ANAPC7: variants seen among roughly 807,000 people sequenced by gnomAD.
ANAPC7 encodes anaphase-promoting complex subunit 7.
In ANAPC7, 25 loss-of-function variants were observed where a neutral mutation model predicts 63.3. That is an observed-to-expected ratio of 0.39 (90% CI 0.29 to 0.55). The LOEUF (loss-of-function observed/expected upper bound fraction) is 0.55, where lower values mean the gene tolerates loss of function less well. ANAPC7 is among the 20% of genes least tolerant of loss of function. The pLI is 0.57. For missense variants in ANAPC7, 516 were observed against 691.7 expected, an observed-to-expected ratio of 0.75 and a Z score of 2.85; for synonymous variants, 241 against 251.7, an observed-to-expected ratio of 0.96 and a Z score of 0.40.
At chr12:110,374,458 C>T in intron 10 of ANAPC7, 125 bp from the exon 11 acceptor site, 4 of 877,392 alleles carry the variant, frequency 4.6e-6, no homozygotes, top group Non-Finnish European at 5.1e-6. Flanking sequence ...AAAGCCTGGC[C>T]TCTCCAAACA....
At chr12:110,399,236 G>C (rs2062188013) in intron 1 of ANAPC7, among the ~76,000 whole-genome samples, 1 of 151,764 alleles carries the variant, frequency 6.6e-6, no homozygotes, top group Non-Finnish European at 1.5e-5. Context: ...GGCCATCGCT[G>C]GTCTCAAACT....
intron 5 of ANAPC7, chr12:110,386,698 G>A: frequency 2.2e-6 from 1 of 447,496 alleles, no homozygotes; most frequent in South Asian, 3.3e-5. Flanking sequence ...CTCTGTGGTT[G>A]CAGTTCTTCA....
chr12:110,384,822 A>T (rs1882310803), intron 6 of ANAPC7, among the ~76,000 whole-genome samples: 1 of 152,158 alleles, frequency 6.6e-6, no homozygotes, highest in Non-Finnish European at 1.5e-5. Flanking sequence ...CAACCAGAAA[A>T]GGCCCAAAAA....
intron 1 of ANAPC7, among the ~76,000 whole-genome samples, chr12:110,399,682 T>TC (rs2062197495): frequency 6.6e-6 from 1 of 151,710 alleles, no homozygotes; most frequent in Non-Finnish European, 1.5e-5. Flanking sequence ...TCCTAGCTAC[T>TC]TAGAGGCTGA....
chr12:110,403,499 C>A (rs1279068094), intron 1 of ANAPC7, 28 bp downstream of exon 1: 1 of 1,562,126 alleles, frequency 6.4e-7, no homozygotes, highest in Non-Finnish European at 8.7e-7. Context: ...TTCTCCTCAG[C>A]CCCAGGCAGC....
rs1483354370 is a variant in ANAPC7, at chr12:110,396,331, C to T, written c.223G>A (p.Ala75Thr). The change falls in exon 2 of 11, where the codon GCG becomes ACG. Residue 75 changes from alanine (A) to threonine (T), a missense_variant. Around this residue, in one of 4 missense-constraint regions of ANAPC7, gnomAD observed 185 missense variants for 200.3 expected, o/e 0.92. Transcript: ENST00000455511. ...CTCACTTTTGAAGTTTTACTTAGCG[C>T]TTTCTTCTGCTGTAAAGCCATGGTA... The part of the protein sequence containing the change: ...KYTMALQQKK[A>T]LSKTSKVRPS... The T allele has an allele frequency of 6.2e-7, 1 of 1,613,740 alleles. No individual in the cohort carries two copies. Among genetic ancestry groups the T allele is most frequent in the East Asian group, 2.2e-5 (1 of 44,890 alleles).
rs774268194 is a variant in ANAPC7 at position 110,403,653 on chromosome 12, G to A, written c.-26C>T. 6.4e-6 allele frequency: 10 copies of A among 1,573,982 alleles called. No homozygotes were observed. In the African/African-American group the frequency reaches 9.4e-5, roughly 15 times the overall value. Reference sequence around the variant, plus strand: ...CCTGCTCTGCAAAGCCGCGGGCAGCGGCGGCAGCACTGACTCGAAAAGCCG... The same window carrying A: ...CCTGCTCTGCAAAGCCGCGGGCAGCAGCGGCAGCACTGACTCGAAAAGCCG... On this transcript the variant is annotated 5_prime_UTR_variant, in exon 1 of 11. Transcript: ENST00000455511.
At position 110,392,995 on chromosome 12, in the gene ANAPC7, A is replaced by G. The variant is rs577168280; in HGVS notation, c.408+2106T>C. On this transcript the variant is annotated intron_variant, in intron 3 of 10. Coordinates refer to ENST00000455511, the MANE Select transcript of ANAPC7 (RefSeq NM_016238.3). ...TTTTTAGTAGAGACGGGGTTTCTCC[A>G]TGTTGGTCAAGCTGGTCTCGAACTC... Among the ~76,000 whole-genome samples, 12 of 152,194 alleles carry G rather than the reference A, an allele frequency of 7.9e-5. No individual in the cohort carries two copies. In the East Asian group the frequency reaches 1.7e-3, roughly 22 times the overall value.
chr12:110,389,404 G>C (rs1431928110), intron 3 of ANAPC7, among the ~76,000 whole-genome samples: 1 of 152,184 alleles, frequency 6.6e-6, no homozygotes, highest in African/African-American at 2.4e-5. Flanking sequence ...AGATAAAGAA[G>C]TATAATACTT....
At chr12:110,383,720 A>G (rs1056505528) in intron 6 of ANAPC7, among the ~76,000 whole-genome samples, 13 of 150,266 alleles carry the variant, frequency 8.7e-5, no homozygotes, top group African/African-American at 2.5e-4. Context: ...TACTAAAAAT[A>G]CAAAAATTAG....
In ANAPC7 at chr12:110,403,630, T is replaced by C; in HGVS notation, c.-3A>G. 6.3e-7 allele frequency: 1 copy of C among 1,599,832 alleles called. No homozygotes were observed. Among genetic ancestry groups the C allele is most frequent in the Non-Finnish European group, 8.5e-7 (1 of 1,173,324 alleles). Reference sequence around the variant, plus strand: ...CGCACGTGGTCTATCACATTCATCCTGCTCTGCAAAGCCGCGGGCAGCGGC... The same window carrying C: ...CGCACGTGGTCTATCACATTCATCCCGCTCTGCAAAGCCGCGGGCAGCGGC... On this transcript the variant is annotated 5_prime_UTR_variant, in exon 1 of 11. Transcript: ENST00000455511.
intron 1 of ANAPC7, among the ~76,000 whole-genome samples, chr12:110,399,683 T>G (rs145642626): frequency 6.6e-6 from 1 of 151,106 alleles, no homozygotes; most frequent in Non-Finnish European, 1.5e-5. Context: ...CCTAGCTACT[T>G]AGAGGCTGAG....
rs1883467303 is a variant in ANAPC7 at position 110,395,193 on chromosome 12, A to G, written c.316T>C (p.Tyr106His). 1 of 1,612,332 alleles carries G rather than the reference A, an allele frequency of 6.2e-7. No homozygotes were observed. ...QCLPSEIEVK[Y>H]KMAECYTMLK... is the part of the protein sequence containing the mutation. ...ATTGTATAACATTCAGCCATTTTGT[A>G]TTTCACTTCAATTTCAGATGGAAGA... Residue 106 changes from tyrosine to histidine, a missense_variant, in exon 3 of 11, where the codon TAC becomes CAC. Transcript: ENST00000455511.
intron 2 of ANAPC7, 46 bp downstream of exon 2, chr12:110,396,220 T>C (rs1248970838): frequency 1.3e-6 from 2 of 1,512,194 alleles, no homozygotes; most frequent in South Asian, 1.2e-5. Context: ...TCTTGGAGTC[T>C]TTCTCAAAAA....
Position 110,374,136 on chromosome 12 carries a change from C to T in ANAPC7, c.*8G>A, listed in dbSNP as rs139448442. On this transcript the variant is annotated 3_prime_UTR_variant, in exon 11 of 11. Transcript: ENST00000455511. The stretch of plus-strand genomic sequence containing the variant: ...GCAGGCCACTGCGGCCATGGAGCTG[C>T]CGCCCCCTCACTGCATGCCGAACCA... 14,396 of 1,602,318 alleles carry T rather than the reference C, an allele frequency of 9.0e-3. 72 individuals carry two copies. Among genetic ancestry groups the T allele is most frequent in the Non-Finnish European group, 0.01 (11,952 of 1,175,798 alleles).
intron 9 of ANAPC7, among the ~76,000 whole-genome samples, chr12:110,376,568 CAAAAAAAA>C (rs57434475): frequency 3.2e-5 from 2 of 62,400 alleles, no homozygotes; most frequent in Non-Finnish European, 2.7e-5. Flanking sequence ...GACTCCATCT[CAAAAAAAA>C]AAAAAAAAAA....
intron 9 of ANAPC7, 44 bp from the exon 10 acceptor site, chr12:110,376,260 A>C (rs775617033): frequency 2.5e-6 from 4 of 1,605,752 alleles, no homozygotes; most frequent in Non-Finnish European, 2.6e-6. Flanking sequence ...TGTACAAAAA[A>C]ACCACAACTA....
chr12:110,394,521 C>G (rs529621556), intron 3 of ANAPC7, among the ~76,000 whole-genome samples: 1 of 151,316 alleles, frequency 6.6e-6, no homozygotes, highest in Non-Finnish European at 1.5e-5. Flanking sequence ...CCCAGCTACT[C>G]GGGAGGCTGA....
At chr12:110,388,950 C>T (rs1018862781) in intron 3 of ANAPC7, among the ~76,000 whole-genome samples, 1 of 151,792 alleles carries the variant, frequency 6.6e-6, no homozygotes. Context: ...GGCGTGGTGG[C>T]GGGAGCCTGT....
Sources: gnomAD v4.1 joint callset for allele counts (sites outside exome capture counted in the v4.1 genomes callset) on GRCh38, gnomAD v4.1.1 for gene constraint, gnomAD v4.1.1 regional missense constraint, MANE v1.5 for transcripts, NCBI Gene and HGNC (gene_info 2026-07-23, HGNC 2026-07-21) for gene names.